The following KCNN3 variants were observed in gnomAD, a reference collection of about 807,000 sequenced individuals.
KCNN3 encodes the protein small conductance calcium-activated potassium channel protein 3.
A neutral mutation model predicts 62.9 loss-of-function variants in KCNN3; 16 were observed. That is an observed-to-expected ratio of 0.25 (90% confidence interval 0.17 to 0.39). The LOEUF is 0.39. KCNN3 is among the 10% of genes least tolerant of loss of function. The pLI, the probability that KCNN3 is intolerant of heterozygous loss-of-function variation, is 1.00. For missense variants in KCNN3, 599 were observed against 949.4 expected, an observed-to-expected ratio of 0.63 and a Z score of 4.85; for synonymous variants, 370 against 389.2, an observed-to-expected ratio of 0.95 and a Z score of 0.58.
chr1:154,775,731 C>T lies in KCNN3; in HGVS notation c.1030-3338G>A, dbSNP rs1263179029. 5.9e-5 allele frequency among the ~76,000 whole-genome samples: 9 copies of T among 152,162 alleles called. No individual in the cohort carries two copies. The East Asian group carries it at 1.5e-3, about 26-fold the overall frequency. On this transcript the variant is annotated intron_variant, in intron 2 of 7. Coordinates refer to ENST00000271915, the MANE Select transcript of KCNN3 (RefSeq NM_002249.6). ...CTGGAGACTCACCCTCCTCCTTCCC[C>T]AGTGCAGCTGAGCCTGGGTTTTTCC...
At chr1:154,724,938 C>A (rs1420389076) in intron 5 of KCNN3, among the ~76,000 whole-genome samples, 1 of 151,328 alleles carries the variant, frequency 6.6e-6, no homozygotes, top group East Asian at 1.9e-4. Flanking sequence ...TTCACTGCAA[C>A]CTCCGCTTCC....
chr1:154,717,960 G>T (rs1317751571), intron 5 of KCNN3, among the ~76,000 whole-genome samples: 1 of 152,160 alleles, frequency 6.6e-6, no homozygotes, highest in Non-Finnish European at 1.5e-5. Context: ...ATGAGGTCAT[G>T]TGCCCTTCCT....
chr1:154,748,430 T>C (rs1305669316), intron 3 of KCNN3, among the ~76,000 whole-genome samples: 1 of 152,238 alleles, frequency 6.6e-6, no homozygotes, highest in Non-Finnish European at 1.5e-5. Flanking sequence ...GTTGGGATTC[T>C]TGCAAAATAC....
chr1:154,724,375 C>T (rs1010954025), intron 5 of KCNN3, among the ~76,000 whole-genome samples: 1 of 152,196 alleles, frequency 6.6e-6, no homozygotes, highest in South Asian at 2.1e-4. Context: ...CTTTCAAAAA[C>T]CCAAATCAAA....
At chr1:154,839,012 C>T (rs1309500591) in intron 1 of KCNN3, among the ~76,000 whole-genome samples, 1 of 152,204 alleles carries the variant, frequency 6.6e-6, no homozygotes, top group African/African-American at 2.4e-5. Context: ...CTGCCTTCTG[C>T]TCTCCCTCCC....
intron 3 of KCNN3, among the ~76,000 whole-genome samples, chr1:154,743,101 G>A (rs890741212): frequency 1.8e-4 from 28 of 152,050 alleles, no homozygotes; most frequent in African/African-American, 6.8e-4. Flanking sequence ...TGGCCACCCT[G>A]GACCAGCCCC....
chr1:154,870,062 C>G lies in KCNN3; in HGVS notation c.-98G>C, dbSNP rs1432814348. ...AAAGAAAGCCAGGCATCCAATCTCC[C>G]CCACCAGTATCTTGGCTCCAGTCCT... On this transcript the variant is annotated 5_prime_UTR_variant, in exon 1 of 8. Coordinates refer to ENST00000271915, the MANE Select transcript of KCNN3 (RefSeq NM_002249.6). The G allele has an allele frequency of 5.1e-6, 7 of 1,374,612 alleles. 1 individual carries two copies. In the South Asian group the frequency reaches 8.7e-5, roughly 17 times the overall value. 85.2% of individuals were successfully genotyped at this position (1,374,612 alleles called of 1,614,324 possible).
chr1:154,739,921 A>C (rs1449005648), intron 3 of KCNN3, among the ~76,000 whole-genome samples: 2 of 152,236 alleles, frequency 1.3e-5, no homozygotes, highest in South Asian at 4.1e-4. Context: ...TGACAGCCTG[A>C]CAATCTCATG....
rs527326015 is a variant in KCNN3, at chr1:154,833,355, G to A, written c.934-11171C>T. On this transcript the variant is annotated intron_variant, in intron 1 of 7. Transcript: ENST00000271915. ...CCTGCAGGCTCCACAGACATCTCTG[G>A]AGGCTGTTCTGGAGTTTCCCAGATA... Among the ~76,000 whole-genome samples, 5 of 152,302 alleles carry A rather than the reference G, an allele frequency of 3.3e-5. No individual in the cohort carries two copies. The South Asian group carries it at 1.0e-3, about 32-fold the overall frequency.
At chr1:154,725,364 T>C (rs1700439196) in intron 5 of KCNN3, among the ~76,000 whole-genome samples, 1 of 152,166 alleles carries the variant, frequency 6.6e-6, no homozygotes, top group Non-Finnish European at 1.5e-5. Context: ...TTGTAGGCTA[T>C]TAATTAAATT....
intron 5 of KCNN3, among the ~76,000 whole-genome samples, chr1:154,716,425 A>C (rs1049061327): frequency 6.6e-6 from 1 of 152,250 alleles, no homozygotes; most frequent in Non-Finnish European, 1.5e-5. Context: ...AAATTAGAGA[A>C]TATAGACCTG....
At chr1:154,805,848 T>C (rs1650152650) in intron 2 of KCNN3, among the ~76,000 whole-genome samples, 1 of 152,214 alleles carries the variant, frequency 6.6e-6, no homozygotes, top group Admixed American at 6.5e-5. Context: ...CACCAGAACC[T>C]GTGACTATGT....
chr1:154,710,634 C>A (rs1317525432), intron 7 of KCNN3, among the ~76,000 whole-genome samples: 2 of 152,210 alleles, frequency 1.3e-5, no homozygotes, highest in Non-Finnish European at 2.9e-5. Flanking sequence ...GTGGGTGGCA[C>A]TGCAGAAATG....
At chr1:154,777,912 C>T (rs1648858591) in intron 2 of KCNN3, among the ~76,000 whole-genome samples, 2 of 152,176 alleles carry the variant, frequency 1.3e-5, no homozygotes, top group Non-Finnish European at 2.9e-5. Context: ...TAGGTTTGCT[C>T]CTTGTACTCT....
intron 4 of KCNN3, among the ~76,000 whole-genome samples, chr1:154,730,798 C>T (rs78495435): frequency 0.02 from 3,003 of 152,184 alleles, 104 homozygotes; most frequent in African/African-American, 0.069. Context: ...TTCTTCTTTC[C>T]ACTTTGATCA....
Position 154,772,519 on chromosome 1 carries a change from G to A in KCNN3, c.1030-126C>T. ...CAGGTCAGCCTGACCACCTCAGCAT[G>A]CTCTTTAGGGGCCTTGCTATGTGGC... On this transcript the variant is annotated intron_variant, in intron 2 of 7. Coordinates refer to ENST00000271915, the MANE Select transcript of KCNN3 (RefSeq NM_002249.6). The surrounding 1 kb of genome is among the most constrained non-coding windows in gnomAD (Gnocchi z 5.6). The A allele has an allele frequency of 1.2e-6, 1 of 846,976 alleles. No individual in the cohort carries two copies. Among genetic ancestry groups the A allele is most frequent in the South Asian group, 1.4e-5 (1 of 69,240 alleles). 52.5% of individuals were successfully genotyped at this position (846,976 alleles called of 1,614,324 possible). A position where few individuals can be genotyped will look rare whatever the true frequency, so the allele number is the denominator to read the frequency against.
chr1:154,843,862 A>C (rs1210925596), intron 1 of KCNN3, among the ~76,000 whole-genome samples: 2 of 152,254 alleles, frequency 1.3e-5, no homozygotes, highest in Admixed American at 6.5e-5. Flanking sequence ...GGGGACTTTC[A>C]GGGAAGGCTG....
chr1:154,735,671 C>T (rs1700699169), intron 3 of KCNN3, among the ~76,000 whole-genome samples: 1 of 152,302 alleles, frequency 6.6e-6, no homozygotes, highest in East Asian at 1.9e-4. Flanking sequence ...GCATCAGCCC[C>T]CTCCCAGTTC....
intron 2 of KCNN3, among the ~76,000 whole-genome samples, chr1:154,779,791 G>A (rs574709984): frequency 1.3e-5 from 2 of 152,300 alleles, no homozygotes; most frequent in Non-Finnish European, 1.5e-5. Flanking sequence ...ATCCTTGGAC[G>A]GCCAGCGAGG....
Sources: allele counts gnomAD v4.1 joint callset (sites outside exome capture counted in the v4.1 genomes callset), GRCh38; gene constraint gnomAD v4.1.1; non-coding constraint Gnocchi (gnomAD v3.1); transcripts MANE v1.5; gene names NCBI Gene and HGNC (gene_info 2026-07-23, HGNC 2026-07-21).